Variants in MTA3 observed in about 807,000 individuals in gnomAD.
The protein encoded by MTA3 is metastasis-associated protein MTA3.
A neutral mutation model predicts 83.5 loss-of-function variants in MTA3; 34 were observed. The observed-to-expected ratio is 0.41, with a 90% CI of 0.31 to 0.54. The LOEUF (loss-of-function observed/expected upper bound fraction) is 0.54, where lower values mean the gene tolerates loss of function less well. Ranked by LOEUF, MTA3 falls within the 20% of genes least tolerant of loss-of-function variation. The pLI is 0.33. For synonymous variants in MTA3, 303 were observed against 252.7 expected (o/e 1.20, Z -1.89); for missense variants, 761 against 726.4 (o/e 1.05, Z -0.55).
chr2:42,613,439 C>T (rs1050459342), intron 4 of MTA3, among the ~76,000 whole-genome samples: 2 of 152,286 alleles, frequency 1.3e-5, no homozygotes, highest in South Asian at 4.1e-4. Flanking sequence ...AGTCCCTGGC[C>T]AAGGCATGGA....
At chr2:42,607,104 AGAG>A (rs1683555199) in intron 3 of MTA3, among the ~76,000 whole-genome samples, 1 of 150,998 alleles carries the variant, frequency 6.6e-6, no homozygotes, top group Non-Finnish European at 1.5e-5. Context: ...GGGTAGAGGT[AGAG>A]GTAGAGGTAG....
intron 6 of MTA3, among the ~76,000 whole-genome samples, chr2:42,650,247 G>C (rs533995672): frequency 2.6e-5 from 4 of 152,184 alleles, no homozygotes; most frequent in Admixed American, 6.5e-5. Flanking sequence ...TCTGGTAGAG[G>C]GGGTAGAGGT....
At chr2:42,601,014 C>A (rs922536998) in intron 3 of MTA3, among the ~76,000 whole-genome samples, 17 of 152,092 alleles carry the variant, frequency 1.1e-4, no homozygotes, top group Admixed American at 1.0e-3. Context: ...TCAGGTAATT[C>A]TCCTGCCTCA....
intron 6 of MTA3, among the ~76,000 whole-genome samples, chr2:42,653,604 AT>A (rs1308912448): frequency 6.6e-6 from 1 of 151,978 alleles, no homozygotes; most frequent in East Asian, 1.9e-4. Context: ...TGTTCTTGCT[AT>A]TTTTCTTCTC....
intron 16 of MTA3, among the ~76,000 whole-genome samples, chr2:42,740,021 C>A (rs527829517): frequency 2.0e-5 from 3 of 152,318 alleles, no homozygotes; most frequent in Admixed American, 6.5e-5. Context: ...GGGTTGGAAT[C>A]AATTTCTTCT....
intron 16 of MTA3, among the ~76,000 whole-genome samples, chr2:42,727,877 G>A (rs1431253625): frequency 1.3e-5 from 2 of 152,034 alleles, no homozygotes; most frequent in Non-Finnish European, 2.9e-5. Flanking sequence ...TTTGATACAG[G>A]CATATAATGC....
chr2:42,606,655 A>G (rs1331437845), intron 3 of MTA3, among the ~76,000 whole-genome samples: 52 of 127,364 alleles, frequency 4.1e-4, no homozygotes, highest in East Asian at 7.2e-4. Context: ...AGGCAGAGAC[A>G]CTCCTCACTT....
chr2:42,664,246 G>C (rs1025751527), intron 8 of MTA3, among the ~76,000 whole-genome samples: 2 of 152,072 alleles, frequency 1.3e-5, no homozygotes, highest in Non-Finnish European at 2.9e-5. Context: ...TAGACTCTTA[G>C]ATCCTGAGGC....
chr2:42,592,333 C>T (rs1172818057), intron 3 of MTA3, among the ~76,000 whole-genome samples: 2 of 152,100 alleles, frequency 1.3e-5, no homozygotes, highest in Admixed American at 6.6e-5. Context: ...CCTGTAATCC[C>T]AGCACTTTGG....
intron 4 of MTA3, among the ~76,000 whole-genome samples, chr2:42,615,870 G>T (rs1684815102): frequency 6.6e-6 from 1 of 150,808 alleles, no homozygotes; most frequent in Non-Finnish European, 1.5e-5. Flanking sequence ...ACAGGCGCCT[G>T]CCACCATGCC....
intron 2 of MTA3, among the ~76,000 whole-genome samples, chr2:42,537,527 T>C (rs943237237): frequency 2.0e-5 from 3 of 151,616 alleles, no homozygotes; most frequent in Non-Finnish European, 2.9e-5. Flanking sequence ...ATCAAGCCAT[T>C]GCACTCCAGC....
At chr2:42,592,531 C>T (rs1418910055) in intron 3 of MTA3, among the ~76,000 whole-genome samples, 2 of 152,164 alleles carry the variant, frequency 1.3e-5, no homozygotes, top group East Asian at 3.8e-4. Context: ...CTGCAGTGAG[C>T]TGTGTTTGCA....
rs1680461829 is a variant in MTA3, at chr2:42,587,348, T to C, written c.190+8148T>C. On this transcript the variant is annotated intron_variant, in intron 3 of 16. Coordinates refer to ENST00000405094, the MANE Select transcript of MTA3 (RefSeq NM_001330442.2). ...GTTGACATTTGAATGAGCAAACATT[T>C]AAAAGATACAAAAATGTATTCAGTG... is the stretch of plus-strand genomic sequence containing the variant. 2.6e-5 allele frequency among the ~76,000 whole-genome samples: 4 copies of C among 152,234 alleles called. 1 individual carries two copies. In the South Asian group the frequency reaches 8.3e-4, roughly 32 times the overall value.
chr2:42,738,297 G>A (rs1475094865), intron 16 of MTA3, among the ~76,000 whole-genome samples: 1 of 152,118 alleles, frequency 6.6e-6, no homozygotes, highest in Non-Finnish European at 1.5e-5. Flanking sequence ...TGAAACCATG[G>A]CAGAAGAACG....
intron 3 of MTA3, among the ~76,000 whole-genome samples, chr2:42,592,628 A>C (rs188431395): frequency 1.3e-5 from 2 of 152,156 alleles, no homozygotes; most frequent in African/African-American, 4.8e-5. Context: ...ATTAACAATG[A>C]AAACATAAAC....
chr2:42,583,313 T>G (rs1679877383), intron 3 of MTA3, among the ~76,000 whole-genome samples: 1 of 152,184 alleles, frequency 6.6e-6, no homozygotes, highest in African/African-American at 2.4e-5. Context: ...AATGGTGGAG[T>G]TAGATGTATC....
rs542570208 is a variant in MTA3, at chr2:42,598,271, TAGTC to T, written c.191-11184_191-11181del. 8.6e-5 allele frequency among the ~76,000 whole-genome samples: 13 copies of T among 151,724 alleles called. No homozygotes were observed. The South Asian group carries it at 2.5e-3, about 29-fold the overall frequency. ...TAGTAGAGATGGGGTTTCACTGTGT[TAGTC>T]AGGATGGTCTGTATCTCCTGACCTC... On this transcript the variant is annotated intron_variant, in intron 3 of 16. Transcript: ENST00000405094.
At chr2:42,642,834 G>T (rs1476434390) in intron 5 of MTA3, among the ~76,000 whole-genome samples, 1 of 151,924 alleles carries the variant, frequency 6.6e-6, no homozygotes, top group Non-Finnish European at 1.5e-5. Context: ...TAGTAGAGAC[G>T]GGATTTCACC....
At chr2:42,508,815 A>G (rs190001025) in intron 2 of MTA3, among the ~76,000 whole-genome samples, 1 of 146,884 alleles carries the variant, frequency 6.8e-6, no homozygotes, top group East Asian at 1.9e-4. Context: ...TAAATTATAT[A>G]TGATATATAT....
Sources: gnomAD v4.1 joint callset for allele counts (sites outside exome capture counted in the v4.1 genomes callset) on GRCh38, gnomAD v4.1.1 for gene constraint, MANE v1.5 for transcripts, NCBI Gene and HGNC (gene_info 2026-07-23, HGNC 2026-07-21) for gene names.